Variants in PLPPR2 observed in about 807,000 individuals in gnomAD.
PLPPR2 encodes phospholipid phosphatase-related protein type 2.
In PLPPR2, 11 loss-of-function variants were observed where a neutral mutation model predicts 40.3. The observed-to-expected ratio is 0.27, with a 90% CI of 0.17 to 0.45. The LOEUF (loss-of-function observed/expected upper bound fraction) is 0.45, where lower values mean the gene tolerates loss of function less well. Ranked by LOEUF, PLPPR2 falls within the 20% of genes least tolerant of loss-of-function variation. The probability of loss-of-function intolerance (pLI) is 1.00; values close to 1 mark genes in which losing one functional copy is unlikely to be tolerated. For missense variants in PLPPR2, 497 were observed against 640.7 expected (o/e 0.78, Z 2.42); for synonymous variants, 260 against 290.8 (o/e 0.89, Z 1.08).
chr19:11,363,690 ACT>A lies in PLPPR2; in HGVS notation c.841-19_841-18del. The A allele has an allele frequency of 6.2e-7, 1 of 1,600,404 alleles. No individual in the cohort carries two copies. On this transcript the variant is annotated intron_variant, in intron 7 of 9. Transcript: ENST00000688289. This position sits in a 1 kb window ranked among gnomAD's most constrained non-coding sequence, Gnocchi z 4.8. ...TATGTGACTTGCCCCAGGCCTCAACACTCTCCTCTCCCTCTATTCCAGGTCAC... is the reference window on the plus strand; with the variant it reads ...TATGTGACTTGCCCCAGGCCTCAACACTCCTCTCCCTCTATTCCAGGTCAC...
At chr19:11,358,055 G>A (rs57308508) in intron 3 of PLPPR2, among the ~76,000 whole-genome samples, 5 of 21,618 alleles carry the variant, frequency 2.3e-4, no homozygotes, top group Non-Finnish European at 3.7e-4. Context: ...GTGTGTGTGT[G>A]TGTGTGTACG....
At chr19:11,357,518 A>T in intron 2 of PLPPR2, 142 bp from the exon 3 acceptor site, 1 of 539,768 alleles carries the variant, frequency 1.9e-6, no homozygotes, top group Non-Finnish European at 3.2e-6. Flanking sequence ...AGAAGGTTCA[A>T]GGGACAGAGT....
At position 11,359,357 on chromosome 19, in the gene PLPPR2, CT is replaced by C; in HGVS notation, c.67-172del. The C allele has an allele frequency of 1.8e-6, 1 of 541,712 alleles. No individual in the cohort carries two copies. Among genetic ancestry groups the C allele is most frequent in the Non-Finnish European group, 3.1e-6 (1 of 326,614 alleles). The allele number at this position is 541,712 out of a possible 1,614,324, so 33.6% of individuals were successfully genotyped here. A position where few individuals can be genotyped will look rare whatever the true frequency, so the allele number is the denominator to read the frequency against. ...TAAGCCCTGACCCTTCTCTCACCTC[CT>C]TTCCCCATTTCTCTCAGTCTCTCTC... On this transcript the variant is annotated intron_variant, in intron 3 of 9. Transcript: ENST00000688289. This position sits in a 1 kb window ranked among gnomAD's most constrained non-coding sequence, Gnocchi z 5.6.
At chr19:11,358,147 T>C (rs1967945671) in intron 3 of PLPPR2, among the ~76,000 whole-genome samples, 1 of 152,058 alleles carries the variant, frequency 6.6e-6, no homozygotes, top group Admixed American at 6.6e-5. Context: ...CTCCACCTCC[T>C]GGGCTCAAGC....
chr19:11,364,064 CT>C lies in PLPPR2; in HGVS notation c.964-93del. ...GGTTAATCATGAGAACTGTGGTTGT[CT>C]TTTCCATGGGGCTCTTCACCTGATG... is the stretch of plus-strand genomic sequence containing the variant. On this transcript the variant is annotated intron_variant, in intron 8 of 9. Coordinates refer to ENST00000688289, the MANE Select transcript of PLPPR2 (RefSeq NM_001393892.1). The surrounding 1 kb of genome is among the most constrained non-coding windows in gnomAD (Gnocchi z 5.8). The C allele has an allele frequency of 6.7e-7, 1 of 1,482,642 alleles. No homozygotes were observed. Among genetic ancestry groups the C allele is most frequent in the Non-Finnish European group, 9.1e-7 (1 of 1,097,048 alleles). 91.8% of individuals were successfully genotyped at this position (1,482,642 alleles called of 1,614,324 possible).
rs1421711256 is a variant in PLPPR2, at chr19:11,362,589, C to T, written c.740C>T (p.Pro247Leu). The T allele has an allele frequency of 1.6e-5, 26 of 1,613,226 alleles. No individual in the cohort carries two copies. The highest frequency in any genetic ancestry group is 7.7e-5 in the South Asian group (7 of 91,088). The change falls in exon 7 of 10, where the codon CCG becomes CTG. Residue 247 changes from proline (P) to leucine (L), a missense_variant. By Grantham distance (98) the Pro-to-Leu change is moderately conservative. Coordinates refer to ENST00000688289, the MANE Select transcript of PLPPR2 (RefSeq NM_001393892.1). This position sits in a 1 kb window ranked among gnomAD's most constrained non-coding sequence, Gnocchi z 5.3. ...KPSLCLALLC[P>L]AFLVGVVRVA... is the part of the protein sequence containing the mutation. ...TCGCTCTGCCTGGCCTTGCTGTGCC[C>T]GGCCTTCCTGGTGGGCGTGGTCCGC...
Position 11,361,586 on chromosome 19 carries a change from GC to G in PLPPR2, c.663+102del. ...AGGGTTGGAGCCTCTGCTCTTCCAC[GC>G]CCCGGGTGCTGTTGGAAGCTCTCGC... On this transcript the variant is annotated intron_variant, in intron 6 of 9. Coordinates refer to ENST00000688289, the MANE Select transcript of PLPPR2 (RefSeq NM_001393892.1). This position sits in a 1 kb window ranked among gnomAD's most constrained non-coding sequence, Gnocchi z 6.3. 2 of 1,470,832 alleles carry G rather than the reference GC, an allele frequency of 1.4e-6. No individual in the cohort carries two copies. The allele number at this position is 1,470,832 out of a possible 1,614,324, so 91.1% of individuals were successfully genotyped here. A position where few individuals can be genotyped will look rare whatever the true frequency, so the allele number is the denominator to read the frequency against.
chr19:11,356,463 G>A (rs1967881314), intron 1 of PLPPR2, among the ~76,000 whole-genome samples: 1 of 150,352 alleles, frequency 6.7e-6, no homozygotes, highest in Admixed American at 6.6e-5. Flanking sequence ...TGGGGGTGGG[G>A]ACTTGTTTGA....
Position 11,361,529 on chromosome 19 carries a change from G to C in PLPPR2, c.663+41G>C. 1 of 1,556,478 alleles carries C rather than the reference G, an allele frequency of 6.4e-7. No individual in the cohort carries two copies. Among genetic ancestry groups the C allele is most frequent in the Non-Finnish European group, 8.7e-7 (1 of 1,155,024 alleles). On this transcript the variant is annotated intron_variant, in intron 6 of 9. Transcript: ENST00000688289. The surrounding 1 kb of genome is among the most constrained non-coding windows in gnomAD (Gnocchi z 6.3). Reference sequence around the variant, plus strand: ...TTCGGGGTCGGAAATGGGTGTGCAGGCTGGACAGCGACCAGCAGCTAGGAA... The same window carrying C: ...TTCGGGGTCGGAAATGGGTGTGCAGCCTGGACAGCGACCAGCAGCTAGGAA...
At position 11,362,554 on chromosome 19, in the gene PLPPR2, G is replaced by A. The variant is rs758376015; in HGVS notation, c.705G>A (p.Leu235=). The change falls in exon 7 of 10, where the codon CTG becomes CTA. Residue 235 remains leucine, a synonymous_variant. Coordinates refer to ENST00000688289, the MANE Select transcript of PLPPR2 (RefSeq NM_001393892.1). This position sits in a 1 kb window ranked among gnomAD's most constrained non-coding sequence, Gnocchi z 5.3. The part of the protein sequence containing the change: ...TLVFRVKGSR[L]VKPSLCLALL... ...TGTTCCGCGTGAAGGGCTCCCGCCT[G>A]GTCAAACCCTCGCTCTGCCTGGCCT... 1.9e-6 allele frequency: 3 copies of A among 1,612,278 alleles called. No individual in the cohort carries two copies. The highest frequency in any genetic ancestry group is 2.5e-6 in the Non-Finnish European group (3 of 1,179,994).
In PLPPR2 at chr19:11,363,962, C is replaced by T; in HGVS notation, c.963+127C>T. The T allele has an allele frequency of 1.5e-6, 2 of 1,355,236 alleles. No individual in the cohort carries two copies. Among genetic ancestry groups the T allele is most frequent in the Non-Finnish European group, 2.0e-6 (2 of 1,001,254 alleles). The allele number at this position is 1,355,236 out of a possible 1,614,324, so 84.0% of individuals were successfully genotyped here. On this transcript the variant is annotated intron_variant, in intron 8 of 9. Transcript: ENST00000688289. This position sits in a 1 kb window ranked among gnomAD's most constrained non-coding sequence, Gnocchi z 4.8. ...ATGGGGAAGTGGAGGGATCACCCAT[C>T]TCTGTGGACATAGGTCCTGGGCGGA...
chr19:11,357,348 C>G (rs1044690644), intron 2 of PLPPR2, among the ~76,000 whole-genome samples: 18 of 152,068 alleles, frequency 1.2e-4, no homozygotes, highest in African/African-American at 4.3e-4. Flanking sequence ...GGAGTCTCTT[C>G]TAAAGGCCCA....
chr19:11,365,544 C>T lies in PLPPR2; in HGVS notation c.*854C>T, dbSNP rs574563654. 1.8e-4 allele frequency: 27 copies of T among 152,726 alleles called. No individual in the cohort carries two copies. Among genetic ancestry groups the T allele is most frequent in the African/African-American group, 6.3e-4 (26 of 41,544 alleles). The allele number at this position is 152,726 out of a possible 1,614,324, so 9.5% of individuals were successfully genotyped here. On this transcript the variant is annotated 3_prime_UTR_variant, in exon 10 of 10. Coordinates refer to ENST00000688289, the MANE Select transcript of PLPPR2 (RefSeq NM_001393892.1). ...ATGCCTCAGCCTCATACAGATGTGC[C>T]ATCATGGGGGGCATGGGTGGAGCAG...
Position 11,359,748 on chromosome 19 carries a change from C to A in PLPPR2, c.255+28C>A. 1 of 1,578,304 alleles carries A rather than the reference C, an allele frequency of 6.3e-7. No individual in the cohort carries two copies. The highest frequency in any genetic ancestry group is 8.6e-7 in the Non-Finnish European group (1 of 1,156,228). On this transcript the variant is annotated intron_variant, in intron 4 of 9. Transcript: ENST00000688289. The surrounding 1 kb of genome is among the most constrained non-coding windows in gnomAD (Gnocchi z 5.6). ...GAGACAATGAAGACCTCCTAGGAGG[C>A]AGGTGGGCCGGTAAGGGTGGGTGAG... is the stretch of plus-strand genomic sequence containing the variant.
rs571914211 is a variant in PLPPR2, at chr19:11,363,280, C to CA, written c.841-413dup. ...TGGGTGAAAGAGCGAAAGTCTGTCTCAAAAAAAAAAAAAAAAAAAATTAGC... is the reference window on the plus strand; with the variant it reads ...TGGGTGAAAGAGCGAAAGTCTGTCTCAAAAAAAAAAAAAAAAAAAAATTAGC... On this transcript the variant is annotated intron_variant, in intron 7 of 9. Coordinates refer to ENST00000688289, the MANE Select transcript of PLPPR2 (RefSeq NM_001393892.1). This position sits in a 1 kb window ranked among gnomAD's most constrained non-coding sequence, Gnocchi z 4.8. 0.063 allele frequency among the ~76,000 whole-genome samples: 4,621 copies of CA among 73,888 alleles called. 100 individuals carry two copies. The highest frequency in any genetic ancestry group is 0.1 in the East Asian group (248 of 2,442). 48.5% of individuals were successfully genotyped at this position (73,888 alleles called of 152,430 possible).
At position 11,361,840 on chromosome 19, in the gene PLPPR2, G is replaced by A. The variant is rs986811200; in HGVS notation, c.663+352G>A. ...TAGCCAGGCCCCCAGGATGCTACAG[G>A]CGCTAGATATTAGCTGGCAGACTGG... On this transcript the variant is annotated intron_variant, in intron 6 of 9. Coordinates refer to ENST00000688289, the MANE Select transcript of PLPPR2 (RefSeq NM_001393892.1). The surrounding 1 kb of genome is among the most constrained non-coding windows in gnomAD (Gnocchi z 6.3). Among the ~76,000 whole-genome samples, 9 of 152,274 alleles carry A rather than the reference G, an allele frequency of 5.9e-5. No homozygotes were observed. Among genetic ancestry groups the A allele is most frequent in the African/African-American group, 2.2e-4 (9 of 41,552 alleles).
In PLPPR2 at chr19:11,364,585, G is replaced by T. The variant is rs779956522; in HGVS notation, c.1254G>T (p.Thr418=). ...GGRGRKLLLP[T]PLLRDLYTLS... ...GTGGCCGGAAGCTGCTGCTGCCCACGCCCCTGCTGCGGGACCTGTACACCC... is the reference window on the plus strand; with the variant it reads ...GTGGCCGGAAGCTGCTGCTGCCCACTCCCCTGCTGCGGGACCTGTACACCC... The change falls in exon 10 of 10, where the codon ACG becomes ACT. Residue 418 remains threonine, a synonymous_variant. Coordinates refer to ENST00000688289, the MANE Select transcript of PLPPR2 (RefSeq NM_001393892.1). The surrounding 1 kb of genome is among the most constrained non-coding windows in gnomAD (Gnocchi z 5.8). 2 of 1,537,044 alleles carry T rather than the reference G, an allele frequency of 1.3e-6. No homozygotes were observed. Among genetic ancestry groups the T allele is most frequent in the South Asian group, 2.4e-5 (2 of 84,062 alleles).
intron 3 of PLPPR2, among the ~76,000 whole-genome samples, chr19:11,358,458 C>T (rs1040530372): frequency 6.6e-6 from 1 of 152,104 alleles, no homozygotes; most frequent in Non-Finnish European, 1.5e-5. Flanking sequence ...TGCTAGCACC[C>T]CTACTTCTCT....
Position 11,359,529 on chromosome 19 carries a change from C to T in PLPPR2, c.67-3C>T. On this transcript the variant is annotated splice_region_variant and splice_polypyrimidine_tract_variant and intron_variant, in intron 3 of 9. Coordinates refer to ENST00000688289, the MANE Select transcript of PLPPR2 (RefSeq NM_001393892.1). The surrounding 1 kb of genome is among the most constrained non-coding windows in gnomAD (Gnocchi z 5.6). ...ACCTCTCCCCGCCCTGGCTTGGTGGCAGTCGGTGCTGCTGGGCATTGTGAT... is the reference window on the plus strand; with the variant it reads ...ACCTCTCCCCGCCCTGGCTTGGTGGTAGTCGGTGCTGCTGGGCATTGTGAT... 1 of 1,531,770 alleles carries T rather than the reference C, an allele frequency of 6.5e-7. No individual in the cohort carries two copies. Among genetic ancestry groups the T allele is most frequent in the Non-Finnish European group, 8.8e-7 (1 of 1,135,834 alleles). The allele number at this position is 1,531,770 out of a possible 1,614,324, so 94.9% of individuals were successfully genotyped here.
Sources: allele counts gnomAD v4.1 joint callset (sites outside exome capture counted in the v4.1 genomes callset), GRCh38; gene constraint gnomAD v4.1.1; non-coding constraint Gnocchi (gnomAD v3.1); transcripts MANE v1.5; gene names NCBI Gene and HGNC (gene_info 2026-07-23, HGNC 2026-07-21).